The following RAP1A variants were observed in gnomAD, a reference collection of about 807,000 sequenced individuals.
RAP1A encodes the protein ras-related protein Rap-1A.
RAP1A carries 6 observed loss-of-function variants against 26.4 expected under a neutral mutation model. The ratio of observed to expected loss-of-function variants is 0.23; its 90% CI spans 0.12 to 0.45. RAP1A has a LOEUF of 0.45. RAP1A is among the 20% of genes least tolerant of loss of function. The pLI is 0.99. For missense variants in RAP1A, 121 were observed against 217.2 expected (o/e 0.56, Z 2.78); for synonymous variants, 73 against 79.4 (o/e 0.92, Z 0.43).
intron 1 of RAP1A, among the ~76,000 whole-genome samples, chr1:111,636,131 T>C (rs1659722816): frequency 6.6e-6 from 1 of 152,130 alleles, no homozygotes; most frequent in South Asian, 2.1e-4. Flanking sequence ...TCAAGGCTGA[T>C]GTGCTGAACA....
intron 3 of RAP1A, among the ~76,000 whole-genome samples, chr1:111,696,967 A>G (rs924717712): frequency 6.6e-6 from 1 of 152,136 alleles, no homozygotes; most frequent in African/African-American, 2.4e-5. Flanking sequence ...AATTTTCTGC[A>G]TATTTTAGTA....
chr1:111,552,291 T>C (rs570110710), intron 1 of RAP1A, among the ~76,000 whole-genome samples: 4 of 152,320 alleles, frequency 2.6e-5, no homozygotes, highest in African/African-American at 7.2e-5. Flanking sequence ...CAGGCTGTTA[T>C]CTTCAAGTGG....
intron 1 of RAP1A, among the ~76,000 whole-genome samples, chr1:111,646,655 C>G (rs951294488): frequency 6.6e-6 from 1 of 152,102 alleles, no homozygotes; most frequent in African/African-American, 2.4e-5. Flanking sequence ...ATTCTCCTGC[C>G]TCAGCCTCCC....
chr1:111,563,755 A>G, intron 1 of RAP1A: 1 of 881,706 alleles, frequency 1.1e-6, no homozygotes, highest in Admixed American at 1.8e-5. Context: ...AGCTTGCCCC[A>G]TATCATGAAT....
chr1:111,696,380 T>C (rs1450228199), intron 3 of RAP1A, among the ~76,000 whole-genome samples: 1 of 152,226 alleles, frequency 6.6e-6, no homozygotes, highest in African/African-American at 2.4e-5. Context: ...GCAGTTTCAT[T>C]GTCTTCAAAT....
chr1:111,556,447 C>T (rs897536140), intron 1 of RAP1A, among the ~76,000 whole-genome samples: 1 of 152,160 alleles, frequency 6.6e-6, no homozygotes, highest in East Asian at 1.9e-4. Flanking sequence ...GATATTTGTA[C>T]ACCCATGTTT....
intron 1 of RAP1A, among the ~76,000 whole-genome samples, chr1:111,639,698 T>G (rs1659838180): frequency 6.6e-6 from 1 of 152,080 alleles, no homozygotes; most frequent in South Asian, 2.1e-4. Context: ...GGATGAAAAC[T>G]AATCAAATAA....
In RAP1A at chr1:111,695,594, A is replaced by G. The variant is rs12723732; in HGVS notation, c.126+185A>G. Among the ~76,000 whole-genome samples the G allele has an allele frequency of 0.04, 6,148 of 152,224 alleles. 142 individuals carry two copies. The highest frequency in any genetic ancestry group is 0.079 in the South Asian group (380 of 4,822). ...ATACTACTTTGATATTCAGAGCTCT[A>G]TGTTCTGTTACTGATTAGTGACTTG... On this transcript the variant is annotated intron_variant, in intron 3 of 7. Coordinates refer to ENST00000369709, the MANE Select transcript of RAP1A (RefSeq NM_002884.4).
chr1:111,626,229 T>C (rs964088205), intron 1 of RAP1A, among the ~76,000 whole-genome samples: 1 of 152,244 alleles, frequency 6.6e-6, no homozygotes, highest in African/African-American at 2.4e-5. Flanking sequence ...GGTCTTGTTT[T>C]CTAACAGCTT....
chr1:111,655,985 G>A (rs944536229), intron 1 of RAP1A, among the ~76,000 whole-genome samples: 4 of 151,828 alleles, frequency 2.6e-5, no homozygotes, highest in East Asian at 1.9e-4. Context: ...CACCGCGCCC[G>A]GCCTCCTAAT....
chr1:111,667,482 C>T (rs1037303310), intron 1 of RAP1A, among the ~76,000 whole-genome samples: 5 of 151,980 alleles, frequency 3.3e-5, no homozygotes, highest in African/African-American at 9.7e-5. Flanking sequence ...GTCAGGAGTT[C>T]GAGACCAGCC....
At chr1:111,554,958 C>T (rs7544433) in intron 1 of RAP1A, among the ~76,000 whole-genome samples, 4,107 of 151,740 alleles carry the variant, frequency 0.027, 170 homozygotes, top group African/African-American at 0.093. Context: ...AGTGACCTAC[C>T]GAGACTTTAA....
chr1:111,666,931 A>AACAGGGATATGGAGCAAG (rs1660813417), intron 1 of RAP1A, among the ~76,000 whole-genome samples: 1 of 151,724 alleles, frequency 6.6e-6, no homozygotes, highest in South Asian at 2.1e-4. Context: ...ATAGAGAGTA[A>AACAGGGATATGGAGCAAG]ATAGGGATAT....
In RAP1A at chr1:111,659,345, C is replaced by T. The variant is rs1440921592; in HGVS notation, c.-27-31989C>T. 3.9e-5 allele frequency among the ~76,000 whole-genome samples: 6 copies of T among 152,204 alleles called. No homozygotes were observed. The East Asian group carries it at 1.2e-3, about 29-fold the overall frequency. On this transcript the variant is annotated intron_variant, in intron 1 of 7. Transcript: ENST00000369709. ...ATTAAAAGTTATGTGAAAGTAGTCT[C>T]TCTCTCTCAATATTGTAATATTTTT...
At chr1:111,617,769 C>T (rs1009916266), upstream of RAP1A, among the ~76,000 whole-genome samples, 8 of 149,786 alleles carry the variant, frequency 5.3e-5, no homozygotes, top group Non-Finnish European at 7.4e-5. Context: ...TCCAGCTGGG[C>T]GCAGTGGCTC....
chr1:111,577,549 C>A (rs2101058692), intron 1 of RAP1A, among the ~76,000 whole-genome samples: 1 of 151,232 alleles, frequency 6.6e-6, no homozygotes, highest in Non-Finnish European at 1.5e-5. Context: ...ATGGTAATTT[C>A]TCCATAAACA....
chr1:111,633,048 A>C (rs1196482969), intron 1 of RAP1A, among the ~76,000 whole-genome samples: 1 of 151,656 alleles, frequency 6.6e-6, no homozygotes, highest in Admixed American at 6.6e-5. Flanking sequence ...TGTTGGTTTG[A>C]GTTGGAAGGA....
At chr1:111,559,345 A>T (rs1203508975) in intron 1 of RAP1A, among the ~76,000 whole-genome samples, 1 of 152,214 alleles carries the variant, frequency 6.6e-6, no homozygotes, top group East Asian at 1.9e-4. Context: ...ACTAATGTTT[A>T]TTGAACACCC....
At chr1:111,617,627 G>A (rs1659040796), upstream of RAP1A, among the ~76,000 whole-genome samples, 1 of 151,690 alleles carries the variant, frequency 6.6e-6, no homozygotes, top group Non-Finnish European at 1.5e-5. Flanking sequence ...GTAGAGATGG[G>A]GTTTCACCGT....
Sources: gnomAD v4.1 joint callset for allele counts (sites outside exome capture counted in the v4.1 genomes callset) on GRCh38, gnomAD v4.1.1 for gene constraint, MANE v1.5 for transcripts, NCBI Gene and HGNC (gene_info 2026-07-23, HGNC 2026-07-21) for gene names.